Variants in CFI observed in about 807,000 individuals in gnomAD.
CFI encodes C3B/C4B inactivator.
Under a neutral mutation model 78.8 loss-of-function variants are expected in CFI, and 66 were observed. The ratio of observed to expected loss-of-function variants is 0.84; its 90% CI spans 0.69 to 1.03. The LOEUF is 1.03. CFI is among the 50% of genes least tolerant of loss of function. CFI has a pLI of 0.00. For missense variants in CFI, 706 were observed against 704.5 expected (o/e 1.00, Z -0.02); for synonymous variants, 250 against 232.6 (o/e 1.07, Z -0.68).
intron 11 of CFI, among the ~76,000 whole-genome samples, chr4:109,744,538 C>A (rs531669280): frequency 2.2e-4 from 33 of 152,204 alleles, no homozygotes; most frequent in African/African-American, 7.2e-4. Flanking sequence ...TGGCTATACC[C>A]TTCAGCTCAA....
At chr4:109,738,624 G>A (rs531743537), downstream of CFI, among the ~76,000 whole-genome samples, 28 of 152,268 alleles carry the variant, frequency 1.8e-4, no homozygotes, top group Admixed American at 1.5e-3. Context: ...GTTAGAGAAG[G>A]CCATGCAGGT....
intron 1 of CFI, among the ~76,000 whole-genome samples, chr4:109,772,909 G>C (rs1247398588): frequency 6.6e-6 from 1 of 152,008 alleles, no homozygotes; most frequent in East Asian, 1.9e-4. Context: ...GTTTAGTTTT[G>C]TGGTAAACAT....
chr4:109,774,146 T>C (rs894953588), intron 1 of CFI, among the ~76,000 whole-genome samples: 16 of 152,242 alleles, frequency 1.1e-4, no homozygotes, highest in African/African-American at 3.9e-4. Flanking sequence ...ATTGAGAGCC[T>C]ACTATGGCCA....
At chr4:109,785,387 T>C (rs1560562781) in intron 1 of CFI, among the ~76,000 whole-genome samples, 2 of 152,142 alleles carry the variant, frequency 1.3e-5, no homozygotes, top group Non-Finnish European at 2.9e-5. Context: ...ATCTTTGTGT[T>C]GAAAATTTTG....
At chr4:109,766,901 G>A in intron 1 of CFI, 77 bp from the exon 2 acceptor site, 1 of 1,425,748 alleles carries the variant, frequency 7.0e-7, no homozygotes, top group Non-Finnish European at 9.8e-7. Flanking sequence ...TGAAGGAAAA[G>A]AGCAAAACAG....
intron 1 of CFI, among the ~76,000 whole-genome samples, chr4:109,798,469 T>C (rs898294636): frequency 3.9e-5 from 6 of 151,908 alleles, no homozygotes; most frequent in Non-Finnish European, 7.4e-5. Flanking sequence ...ACACTAAATA[T>C]GTAGAGTTTA....
the CFI span, among the ~76,000 whole-genome samples, chr4:109,735,147 G>T: frequency 6.6e-6 from 1 of 152,108 alleles, no homozygotes; most frequent in African/African-American, 2.4e-5. Flanking sequence ...TAGAGATGGG[G>T]TCTCCCTGTG....
intron 1 of CFI, among the ~76,000 whole-genome samples, chr4:109,790,325 T>G (rs372214243): frequency 5.6e-4 from 86 of 152,214 alleles, no homozygotes; most frequent in African/African-American, 2.0e-3. Context: ...CTTTATTCTA[T>G]TTTTTCTTCT....
At chr4:109,733,697 G>C in the CFI span, among the ~76,000 whole-genome samples, 1 of 152,246 alleles carries the variant, frequency 6.6e-6, no homozygotes, top group Non-Finnish European at 1.5e-5. Context: ...TAAGCCACAG[G>C]ATAGAGAGAG....
intron 10 of CFI, among the ~76,000 whole-genome samples, chr4:109,748,619 A>C (rs141567708): frequency 2.8e-4 from 43 of 152,264 alleles, no homozygotes; most frequent in African/African-American, 9.1e-4. Context: ...ACAATATATG[A>C]AGGTCCCTTT....
At chr4:109,776,202 G>A (rs201954070) in intron 1 of CFI, among the ~76,000 whole-genome samples, 3 of 152,088 alleles carry the variant, frequency 2.0e-5, no homozygotes, top group Non-Finnish European at 4.4e-5. Flanking sequence ...CGAACCCATC[G>A]CAAAGAAGCT....
intron 6 of CFI, among the ~76,000 whole-genome samples, chr4:109,759,121 C>T (rs1471822582): frequency 6.6e-6 from 1 of 151,802 alleles, no homozygotes; most frequent in Non-Finnish European, 1.5e-5. Flanking sequence ...GAATTCTTGC[C>T]TAAAATATTA....
intron 1 of CFI, among the ~76,000 whole-genome samples, chr4:109,798,255 C>T (rs1435983337): frequency 3.9e-5 from 6 of 152,024 alleles, no homozygotes; most frequent in Admixed American, 3.9e-4. Context: ...AGAATAGTGC[C>T]TATTGTTCAT....
chr4:109,751,777 G>T (rs1028348890), intron 8 of CFI, among the ~76,000 whole-genome samples: 1 of 152,086 alleles, frequency 6.6e-6, no homozygotes, highest in Non-Finnish European at 1.5e-5. Flanking sequence ...TTTAAAGATT[G>T]TTACTTAATT....
Position 109,749,280 on chromosome 4 carries a change from T to G in CFI, c.1086A>C (p.Gly362=). The change falls in exon 10 of 13, where the codon GGA becomes GGC. Residue 362 remains glycine (G), a synonymous_variant. Transcript: ENST00000394634. Reference sequence around the variant, plus strand: ...CAATATAAATTCCCCCACAGGTGATTCCACTGGCATCCTTAATTGCCACCT... The same window carrying G: ...CAATATAAATTCCCCCACAGGTGATGCCACTGGCATCCTTAATTGCCACCT... ...PWQVAIKDAS[G]ITCGGIYIGG... is the part of the protein sequence containing the mutation. 1 of 1,614,160 alleles carries G rather than the reference T, an allele frequency of 6.2e-7. No individual in the cohort carries two copies. The highest frequency in any genetic ancestry group is 1.1e-5 in the South Asian group (1 of 91,086).
chr4:109,749,536 C>T lies in CFI; in HGVS notation c.1007G>A (p.Arg336Gln), dbSNP rs1350193194. The change falls in exon 9 of 13, where the codon CGA becomes CAA. Residue 336 changes from arginine (R) to glutamine (Q), a missense_variant. Physicochemically the swap from Arg to Gln is conservative, Grantham distance 43. Coordinates refer to ENST00000394634, the MANE Select transcript of CFI (RefSeq NM_000204.5). ...SCGVKNRMHI[R>Q]RKRIVGGKRA... ...CTTTCCTCCCACAATTCGTTTCCTT[C>T]GAATGTGCATTCTGTTTTTAACTCC... 1.1e-5 allele frequency: 17 copies of T among 1,613,594 alleles called. No individual in the cohort carries two copies. The highest frequency in any genetic ancestry group is 1.3e-5 in the Non-Finnish European group (15 of 1,179,680).
At chr4:109,765,585 T>A (rs972277256) in intron 2 of CFI, among the ~76,000 whole-genome samples, 1 of 152,140 alleles carries the variant, frequency 6.6e-6, no homozygotes, top group Non-Finnish European at 1.5e-5. Context: ...TGAAACTCAA[T>A]TGGACTGACA....
In CFI at chr4:109,746,247, G is replaced by A. The variant is rs750351589; in HGVS notation, c.1404C>T (p.Ile468=). The A allele has an allele frequency of 3.7e-6, 6 of 1,614,124 alleles. No individual in the cohort carries two copies. The Admixed American group carries it at 5.0e-5, about 13-fold the overall frequency. Residue 468 remains isoleucine (I), a synonymous_variant, in exon 11 of 13, where the codon ATC becomes ATT. Transcript: ENST00000394634. ...PYLFQPNDTC[I]VSGWGREKDN... ...CTTTTTCTCGTCCCCAGCCAGAAAC[G>A]ATGCATGTATCATTAGGTTGGAATA...
chr4:109,779,605 A>C (rs1729726336), intron 1 of CFI, among the ~76,000 whole-genome samples: 1 of 152,136 alleles, frequency 6.6e-6, no homozygotes, highest in African/African-American at 2.4e-5. Flanking sequence ...GCTACCAATG[A>C]CTTTCTTCAC....
Sources: gnomAD v4.1 joint callset for allele counts (sites outside exome capture counted in the v4.1 genomes callset) on GRCh38, gnomAD v4.1.1 for gene constraint, MANE v1.5 for transcripts, NCBI Gene and HGNC (gene_info 2026-07-23, HGNC 2026-07-21) for gene names.